The following ARHGAP8 variants were observed in gnomAD, a reference collection of about 807,000 sequenced individuals.
ARHGAP8 encodes Rho GTPase activating protein 8.
ARHGAP8 carries 62 observed loss-of-function variants against 46.1 expected under a neutral mutation model. The ratio of observed to expected loss-of-function variants is 1.34; its 90% CI spans 1.10 to 1.66. The LOEUF (loss-of-function observed/expected upper bound fraction) is 1.66. Among genes scored for constraint, ARHGAP8 ranks in the 40% most tolerant of loss-of-function variants. ARHGAP8 has a pLI of 0.00. For missense variants in ARHGAP8, 923 were observed against 568.4 expected, an observed-to-expected ratio of 1.62 and a Z score of -6.34; for synonymous variants, 375 against 243.1, an observed-to-expected ratio of 1.54 and a Z score of -5.05.
intron 6 of ARHGAP8, among the ~76,000 whole-genome samples, chr22:44,823,522 G>A (rs1359806783): frequency 2.6e-5 from 4 of 152,046 alleles, no homozygotes; most frequent in Admixed American, 6.6e-5. Flanking sequence ...ACCTTGGGCC[G>A]GGAGTCCTTG....
rs551118355 is a variant in ARHGAP8, at chr22:44,860,539, C to G, written c.981+705C>G. ...CCCAGATGACGCGGGATGATCTCAT[C>G]TTGAGATCCTCAACGACAGCTGCAA... is the stretch of plus-strand genomic sequence containing the variant. On this transcript the variant is annotated intron_variant, in intron 11 of 11. Coordinates refer to ENST00000356099, the MANE Select transcript of ARHGAP8 (RefSeq NM_181335.3). Among the ~76,000 whole-genome samples the G allele has an allele frequency of 4.4e-5, 2 of 45,924 alleles. 1 individual carries two copies. Among genetic ancestry groups the G allele is most frequent in the Non-Finnish European group, 1.2e-4 (2 of 16,898 alleles). The allele number at this position is 45,924 out of a possible 152,430, so 30.1% of individuals were successfully genotyped here.
At chr22:44,846,017 C>T (rs542581236) in intron 8 of ARHGAP8, among the ~76,000 whole-genome samples, 3 of 152,108 alleles carry the variant, frequency 2.0e-5, no homozygotes, top group Non-Finnish European at 2.9e-5. Context: ...GAGTGCCCCC[C>T]CCCATCCCCA....
At position 44,819,858 on chromosome 22, in the gene ARHGAP8, G is replaced by A. The variant is rs918952717; in HGVS notation, c.387-2513G>A. ...CCCAAGTCGCACCATGAGAGGGGGC[G>A]TGGGCTGGGATCCAACCTGAGCCTG... On this transcript the variant is annotated intron_variant, in intron 5 of 11. Transcript: ENST00000356099. Among the ~76,000 whole-genome samples the A allele has an allele frequency of 1.6e-4, 25 of 152,280 alleles. No individual in the cohort carries two copies. The South Asian group carries it at 2.1e-3, about 13-fold the overall frequency.
chr22:44,823,051 C>G (rs1930266938), intron 6 of ARHGAP8, among the ~76,000 whole-genome samples: 1 of 152,264 alleles, frequency 6.6e-6, no homozygotes, highest in Non-Finnish European at 1.5e-5. Flanking sequence ...CTGTGTCTCC[C>G]TCTCTGAGGC....
At chr22:44,852,521 G>A (rs200912081) in intron 10 of ARHGAP8, among the ~76,000 whole-genome samples, 2 of 152,060 alleles carry the variant, frequency 1.3e-5, no homozygotes, top group African/African-American at 2.4e-5. Flanking sequence ...GTAGTGTTCC[G>A]GACCCCAGCA....
At chr22:44,832,079 A>G (rs1930985064) in intron 7 of ARHGAP8, among the ~76,000 whole-genome samples, 1 of 152,180 alleles carries the variant, frequency 6.6e-6, no homozygotes, top group African/African-American at 2.4e-5. Flanking sequence ...GTAGTCTTCC[A>G]ATCCATGAAC....
rs1285059514 is a variant in ARHGAP8, at chr22:44,862,586, A to T, written c.1293A>T (p.Arg431Ser). 1.3e-6 allele frequency: 2 copies of T among 1,581,452 alleles called. No homozygotes were observed. The highest frequency in any genetic ancestry group is 1.1e-5 in the South Asian group (1 of 88,036). The stretch of plus-strand genomic sequence containing the variant: ...CGAGTCCCCTGATGGCAGCCAGAAG[A>T]CGTCTCTAGTGTTGCGAACACTCTG... ...LPPSPLMAAR[R>S]RL Residue 431 changes from arginine to serine, a missense_variant, in exon 12 of 12, where the codon AGA becomes AGT. By Grantham distance (110) the Arg-to-Ser change is moderately radical (BLOSUM62 -1). Transcript: ENST00000356099.
At position 44,854,055 on chromosome 22, in the gene ARHGAP8, A is replaced by C. The variant is rs567388107; in HGVS notation, c.877+4995A>C. ...AAAAAAAAAAAAAAAAAAAAAAAAA[A>C]AAAAAAACCATCAGACTTTGCCTGC... On this transcript the variant is annotated intron_variant, in intron 10 of 11. Coordinates refer to ENST00000356099, the MANE Select transcript of ARHGAP8 (RefSeq NM_181335.3). Among the ~76,000 whole-genome samples, 453 of 127,130 alleles carry C rather than the reference A, an allele frequency of 3.6e-3. 3 individuals are homozygous for C. The highest frequency in any genetic ancestry group is 0.012 in the African/African-American group (440 of 35,596). 83.4% of individuals were successfully genotyped at this position (127,130 alleles called of 152,430 possible).
chr22:44,835,018 A>G (rs895330060), intron 7 of ARHGAP8, among the ~76,000 whole-genome samples: 1 of 152,102 alleles, frequency 6.6e-6, no homozygotes, highest in Non-Finnish European at 1.5e-5. Flanking sequence ...TCTCTTGCAG[A>G]CAGCATATAA....
intron 11 of ARHGAP8, among the ~76,000 whole-genome samples, chr22:44,861,330 A>G (rs2070471733): frequency 6.6e-6 from 1 of 152,138 alleles, no homozygotes. Flanking sequence ...CTCCATGGGC[A>G]CCGATGTGAA....
At chr22:44,821,224 G>A (rs1291389703) in intron 5 of ARHGAP8, among the ~76,000 whole-genome samples, 4 of 152,106 alleles carry the variant, frequency 2.6e-5, no homozygotes, top group African/African-American at 4.8e-5. Context: ...GAGGTCAGGA[G>A]ATCGAGACCA....
At chr22:44,817,318 C>T (rs1569160229) in intron 5 of ARHGAP8, among the ~76,000 whole-genome samples, 1 of 152,208 alleles carries the variant, frequency 6.6e-6, no homozygotes, top group African/African-American at 2.4e-5. Context: ...ATTTTTGGGG[C>T]CAAAGAGCTC....
chr22:44,797,773 C>T (rs1241672330), intron 2 of ARHGAP8, among the ~76,000 whole-genome samples: 1 of 152,120 alleles, frequency 6.6e-6, no homozygotes, highest in Admixed American at 6.6e-5. Flanking sequence ...TGCGCTCATG[C>T]CAGTGTGCAT....
chr22:44,862,328 C>A lies in ARHGAP8; in HGVS notation c.1035C>A (p.Val345=). 1.9e-6 allele frequency: 3 copies of A among 1,613,886 alleles called. No homozygotes were observed. The highest frequency in any genetic ancestry group is 2.5e-6 in the Non-Finnish European group (3 of 1,179,864). The change falls in exon 12 of 12, where the codon GTC becomes GTA. Residue 345 remains valine (V), a synonymous_variant. Transcript: ENST00000356099. ...TGAACAGCTCTAACCTGGCCTGTGT[C>A]TTCGGGCTGAATTTGATCTGGCCAT... ...NKMNSSNLAC[V]FGLNLIWPSQ...
intron 7 of ARHGAP8, among the ~76,000 whole-genome samples, chr22:44,836,196 C>T (rs1317131789): frequency 6.6e-6 from 1 of 152,118 alleles, no homozygotes; most frequent in Non-Finnish European, 1.5e-5. Flanking sequence ...TACCAAATCA[C>T]AACTCTAAAT....
rs372507909 is a variant in ARHGAP8, at chr22:44,848,094, C to T, written c.748+44C>T. ...CCTGAGCCCCGAGCTGCCTGGTCAG[C>T]GAGCACAGCGCTCCGGGGCCTCAGA... On this transcript the variant is annotated intron_variant, in intron 9 of 11. Transcript: ENST00000356099. 1.9e-4 allele frequency: 304 copies of T among 1,598,498 alleles called. 1 individual carries two copies. Among genetic ancestry groups the T allele is most frequent in the Non-Finnish European group, 2.4e-4 (285 of 1,178,354 alleles).
chr22:44,794,159 T>C (rs796110018), intron 2 of ARHGAP8, among the ~76,000 whole-genome samples: 7 of 152,350 alleles, frequency 4.6e-5, no homozygotes, highest in African/African-American at 1.7e-4. Context: ...ACAGCACTTC[T>C]GGAAGCACCC....
chr22:44,787,984 A>G (rs1927396014), intron 2 of ARHGAP8, among the ~76,000 whole-genome samples: 1 of 142,616 alleles, frequency 7.0e-6, no homozygotes, highest in Non-Finnish European at 1.5e-5. Context: ...ATTTAGGTAG[A>G]GGGAACACTG....
intron 7 of ARHGAP8, among the ~76,000 whole-genome samples, chr22:44,844,915 C>T (rs527573857): frequency 6.6e-6 from 1 of 152,184 alleles, no homozygotes; most frequent in Non-Finnish European, 1.5e-5. Context: ...ACTGGGACTT[C>T]CCAGTATGGC....
Sources: gnomAD v4.1 joint callset for allele counts (sites outside exome capture counted in the v4.1 genomes callset) on GRCh38, gnomAD v4.1.1 for gene constraint, MANE v1.5 for transcripts, NCBI Gene and HGNC (gene_info 2026-07-23, HGNC 2026-07-21) for gene names.